MAN1A1: variants seen among roughly 807,000 people sequenced by gnomAD.
The protein encoded by MAN1A1 is mannosidase alpha class 1A member 1.
A neutral mutation model predicts 70.8 loss-of-function variants in MAN1A1; 29 were observed. That is an observed-to-expected ratio of 0.41 (90% CI 0.31 to 0.56). The LOEUF (loss-of-function observed/expected upper bound fraction) is 0.56, where lower values mean the gene tolerates loss of function less well. Among genes scored for constraint, MAN1A1 ranks in the 20% least tolerant of loss-of-function variants. MAN1A1 has a pLI of 0.29. For missense variants in MAN1A1, 747 were observed against 841.3 expected, an observed-to-expected ratio of 0.89 and a Z score of 1.39; for synonymous variants, 349 against 330.1, an observed-to-expected ratio of 1.06 and a Z score of -0.62.
rs188784779 is a variant in MAN1A1 at position 119,184,027 on chromosome 6, A to C, written c.1720-3600T>G. Among the ~76,000 whole-genome samples the C allele has an allele frequency of 5.3e-5, 8 of 152,234 alleles. No individual in the cohort carries two copies. The East Asian group carries it at 1.5e-3, about 29-fold the overall frequency. ...AAAAAAAAAATTTTTTTTTAAAGGA[A>C]AAGCACCCAAGAACTCCCCCTCACC... On this transcript the variant is annotated intron_variant, in intron 11 of 12. Transcript: ENST00000368468.
At chr6:119,331,570 C>CGCATATATATAT (rs1554216761) in intron 2 of MAN1A1, among the ~76,000 whole-genome samples, 1 of 117,972 alleles carries the variant, frequency 8.5e-6, no homozygotes, top group South Asian at 2.8e-4. Flanking sequence ...ACATATTATG[C>CGCATATATATAT]ATATATATAT....
At chr6:119,234,397 G>A (rs1347328980) in intron 6 of MAN1A1, among the ~76,000 whole-genome samples, 1 of 152,018 alleles carries the variant, frequency 6.6e-6, no homozygotes. Flanking sequence ...GTGTATGTAT[G>A]CAAAATAAAC....
chr6:119,284,400 T>C (rs928253232), intron 5 of MAN1A1, among the ~76,000 whole-genome samples: 2 of 152,186 alleles, frequency 1.3e-5, no homozygotes, highest in Admixed American at 6.5e-5. Context: ...CAAAACTTTC[T>C]GTCTCTTAAT....
chr6:119,215,964 C>T (rs1041473737), intron 6 of MAN1A1, among the ~76,000 whole-genome samples: 12 of 152,096 alleles, frequency 7.9e-5, no homozygotes, highest in African/African-American at 1.2e-4. Flanking sequence ...AGACCAGAAA[C>T]GATCGAATGA....
intron 2 of MAN1A1, among the ~76,000 whole-genome samples, chr6:119,330,208 C>T (rs1194462811): frequency 1.3e-5 from 2 of 152,148 alleles, no homozygotes; most frequent in African/African-American, 4.8e-5. Flanking sequence ...CTTTGCAGTG[C>T]TTGTTGTATA....
At chr6:119,181,178 T>C (rs1435212972) in intron 11 of MAN1A1, among the ~76,000 whole-genome samples, 2 of 152,206 alleles carry the variant, frequency 1.3e-5, no homozygotes. Context: ...CAAAAGAGAC[T>C]AGCTGGCTGT....
chr6:119,248,645 GGTT>G, intron 5 of MAN1A1, among the ~76,000 whole-genome samples: 1 of 152,230 alleles, frequency 6.6e-6, no homozygotes, highest in African/African-American at 2.4e-5. Context: ...TAATTTCTAT[GGTT>G]GTAAGCTTCT....
chr6:119,342,029 A>G (rs1773607306), intron 2 of MAN1A1, among the ~76,000 whole-genome samples: 2 of 152,238 alleles, frequency 1.3e-5, no homozygotes, highest in African/African-American at 4.8e-5. Flanking sequence ...GAAAGATGGT[A>G]TCTGCGGGAA....
intron 2 of MAN1A1, among the ~76,000 whole-genome samples, chr6:119,346,049 T>G (rs890911279): frequency 1.3e-5 from 2 of 151,774 alleles, no homozygotes; most frequent in African/African-American, 4.9e-5. Context: ...GAGGTTGGAG[T>G]GAGCTGAGAT....
chr6:119,223,150 T>C (rs1774412688), intron 6 of MAN1A1, among the ~76,000 whole-genome samples: 1 of 152,158 alleles, frequency 6.6e-6, no homozygotes, highest in South Asian at 2.1e-4. Context: ...TAGTTCCCTA[T>C]AGTGGAATTT....
intron 5 of MAN1A1, chr6:119,269,324 T>G (rs12211868): frequency 1.2e-5 from 3 of 252,572 alleles, no homozygotes; most frequent in African/African-American, 7.0e-5. Flanking sequence ...GCACCCCAGA[T>G]AGGCAAATTT....
chr6:119,219,958 A>G (rs117567972), intron 6 of MAN1A1, among the ~76,000 whole-genome samples: 2,987 of 152,008 alleles, frequency 0.02, 49 homozygotes, highest in Non-Finnish European at 0.03. Flanking sequence ...CCTCAAAGGA[A>G]TATCTTGCAG....
At chr6:119,297,148 T>C (rs1772237422) in intron 4 of MAN1A1, among the ~76,000 whole-genome samples, 1 of 152,224 alleles carries the variant, frequency 6.6e-6, no homozygotes, top group Admixed American at 6.5e-5. Flanking sequence ...CCTTGATCAT[T>C]TGTTCTTATG....
At chr6:119,229,880 T>C (rs1774630154) in intron 6 of MAN1A1, among the ~76,000 whole-genome samples, 1 of 152,238 alleles carries the variant, frequency 6.6e-6, no homozygotes, top group South Asian at 2.1e-4. Context: ...CATTCTCTTC[T>C]TCAAATTAAA....
chr6:119,246,595 T>C (rs1054896038), intron 6 of MAN1A1, among the ~76,000 whole-genome samples: 4 of 152,144 alleles, frequency 2.6e-5, no homozygotes, highest in African/African-American at 9.7e-5. Flanking sequence ...ATTAGTTTAG[T>C]GTACTACTAT....
At chr6:119,271,578 C>T (rs1775924676) in intron 5 of MAN1A1, among the ~76,000 whole-genome samples, 2 of 152,054 alleles carry the variant, frequency 1.3e-5, no homozygotes, top group Non-Finnish European at 2.9e-5. Context: ...CAGCTCACTG[C>T]AACCTCCGCC....
intron 5 of MAN1A1, among the ~76,000 whole-genome samples, chr6:119,262,995 C>A (rs1775651312): frequency 1.3e-5 from 2 of 152,084 alleles, no homozygotes; most frequent in Admixed American, 1.3e-4. Flanking sequence ...ATAAAGTAGG[C>A]AGAAAAACGT....
intron 5 of MAN1A1, among the ~76,000 whole-genome samples, chr6:119,282,605 T>A (rs1776251105): frequency 6.6e-6 from 1 of 152,218 alleles, no homozygotes; most frequent in African/African-American, 2.4e-5. Context: ...AACTTTTAAA[T>A]GAAAATATTA....
chr6:119,242,522 C>T (rs573483707), intron 6 of MAN1A1, among the ~76,000 whole-genome samples: 6 of 151,954 alleles, frequency 3.9e-5, no homozygotes, highest in East Asian at 1.9e-4. Context: ...ATGATGTCCA[C>T]GAAAGGACAT....
Sources: allele counts gnomAD v4.1 joint callset (sites outside exome capture counted in the v4.1 genomes callset), GRCh38; gene constraint gnomAD v4.1.1; transcripts MANE v1.5; gene names NCBI Gene and HGNC (gene_info 2026-07-23, HGNC 2026-07-21).